ACADL: variants seen among roughly 807,000 people sequenced by gnomAD.
ACADL encodes the protein long-chain specific acyl-CoA dehydrogenase, mitochondrial.
A neutral mutation model predicts 56.9 loss-of-function variants in ACADL; 60 were observed. That is an observed-to-expected ratio of 1.05 (90% confidence interval 0.86 to 1.31). ACADL has a LOEUF of 1.31. ACADL is among the 50% of genes most tolerant of loss of function. The pLI, the probability that ACADL is intolerant of heterozygous loss-of-function variation, is 0.00. For synonymous variants in ACADL, 158 were observed against 179.7 expected, an observed-to-expected ratio of 0.88 and a Z score of 0.97; for missense variants, 484 against 525.5, an observed-to-expected ratio of 0.92 and a Z score of 0.77.
intron 4 of ACADL, among the ~76,000 whole-genome samples, chr2:210,211,723 C>G (rs1421776985): frequency 6.6e-6 from 1 of 152,168 alleles, no homozygotes; most frequent in African/African-American, 2.4e-5. Context: ...AACTGTGAAC[C>G]ACTTAAACCT....
chr2:210,211,324 T>C (rs1688975127), intron 4 of ACADL, among the ~76,000 whole-genome samples: 1 of 152,202 alleles, frequency 6.6e-6, no homozygotes, highest in African/African-American at 2.4e-5. Flanking sequence ...AGGTCCCAAT[T>C]TTTATTAATA....
Position 210,216,468 on chromosome 2 carries a change from C to T in ACADL, c.415G>A (p.Gly139Ser). ...TTTGTAATATAGGACATGACAATAC[C>T]TGAATGAATACTAAAACCTGGGCCT... is the stretch of plus-strand genomic sequence containing the variant. ...CSGPGFSIHS[G>S]IVMSYITNHG... The change falls in exon 4 of 11, where the codon GGT (glycine) becomes AGT (serine). Residue 139 changes from glycine (G) to serine (S), a missense_variant. Transcript: ENST00000233710. The T allele has an allele frequency of 6.2e-7, 1 of 1,613,570 alleles. No homozygotes were observed. Among genetic ancestry groups the T allele is most frequent in the Non-Finnish European group, 8.5e-7 (1 of 1,179,682 alleles).
At chr2:210,195,161 C>G in intron 9 of ACADL, 50 bp downstream of exon 9, 1 of 1,612,450 alleles carries the variant, frequency 6.2e-7, no homozygotes, top group Non-Finnish European at 8.5e-7. Context: ...TGGCAGAATT[C>G]CATATCAGTC....
chr2:210,208,871 G>C (rs779860448), intron 5 of ACADL, among the ~76,000 whole-genome samples: 9 of 151,976 alleles, frequency 5.9e-5, no homozygotes, highest in Non-Finnish European at 1.2e-4. Context: ...TCAGTTTTTT[G>C]CTATTTCTAA....
rs534327631 is a variant in ACADL at position 210,197,856 on chromosome 2, G to C, written c.985-2518C>G. 2.6e-5 allele frequency among the ~76,000 whole-genome samples: 4 copies of C among 152,310 alleles called. No individual in the cohort carries two copies. The South Asian group carries it at 6.2e-4, about 24-fold the overall frequency. ...TTCTTGCATCAGTGCATTCAGTGAA[G>C]TCCAGAGGTCTGAGAGAATAATGTC... is the stretch of plus-strand genomic sequence containing the variant. On this transcript the variant is annotated intron_variant, in intron 8 of 10. Transcript: ENST00000233710.
At chr2:210,221,168 A>G (rs1334446083) in intron 1 of ACADL, among the ~76,000 whole-genome samples, 1 of 152,168 alleles carries the variant, frequency 6.6e-6, no homozygotes, top group Non-Finnish European at 1.5e-5. Context: ...ATACTGATAA[A>G]TTTTCATATC....
chr2:210,210,324 T>C, intron 4 of ACADL, 62 bp from the exon 5 acceptor site: 1 of 1,201,798 alleles, frequency 8.3e-7, no homozygotes, highest in Admixed American at 1.7e-5. Flanking sequence ...ATACAAATGA[T>C]ATAAGTATGT....
chr2:210,204,477 G>T (rs906541059), intron 7 of ACADL, 104 bp downstream of exon 7: 5 of 861,244 alleles, frequency 5.8e-6, no homozygotes, highest in Non-Finnish European at 9.5e-6. Flanking sequence ...CACAAGTTTT[G>T]CATGTATAAA....
chr2:210,205,721 C>G lies in ACADL; in HGVS notation c.679G>C (p.Ala227Pro). 3 of 1,613,986 alleles carry G rather than the reference C, an allele frequency of 1.9e-6. No individual in the cohort carries two copies. The highest frequency in any genetic ancestry group is 2.5e-6 in the Non-Finnish European group (3 of 1,179,962). ...ACCAGAAAAAGGCTAATACCATGGG[C>G]AGGGGAGGGAGCTTCATGATTTGTG... ...AVTNHEAPSP[A>P]HGISLFLVEN... Residue 227 changes from alanine (A) to proline (P), a missense_variant, in exon 6 of 11, where the codon GCC becomes CCC. By Grantham distance (27) the Ala-to-Pro change is conservative. Transcript: ENST00000233710.
At chr2:210,192,088 A>C (rs1035618562) in intron 10 of ACADL, among the ~76,000 whole-genome samples, 2 of 152,142 alleles carry the variant, frequency 1.3e-5, no homozygotes, top group Non-Finnish European at 1.5e-5. Context: ...ATTTTTTTAG[A>C]ACAAAACAAA....
In ACADL at chr2:210,213,648, G is replaced by A. The variant is rs149944131; in HGVS notation, c.536+2699C>T. 1.0e-3 allele frequency among the ~76,000 whole-genome samples: 152 copies of A among 152,220 alleles called. No homozygotes were observed. The Middle Eastern group carries it at 0.01, about 10-fold the overall frequency. On this transcript the variant is annotated intron_variant, in intron 4 of 10. Coordinates refer to ENST00000233710, the MANE Select transcript of ACADL (RefSeq NM_001608.4). ...ACTACTTAGTAAAGCCAACAAGTTA[G>A]ACCCTCACAATAATCTTCTTCAGTA...
rs1688932526 is a variant in ACADL at position 210,208,750 on chromosome 2, TG to T, written c.603+1445del. Among the ~76,000 whole-genome samples, 5 of 152,354 alleles carry T rather than the reference TG, an allele frequency of 3.3e-5. No individual in the cohort carries two copies. In the South Asian group the frequency reaches 1.0e-3, roughly 32 times the overall value. ...TTCTATATCCTGTTTTTTCACTTAA[TG>T]TATAATTATTTCCTGTACTGTTAAA... On this transcript the variant is annotated intron_variant, in intron 5 of 10. Coordinates refer to ENST00000233710, the MANE Select transcript of ACADL (RefSeq NM_001608.4).
At chr2:210,193,421 C>A (rs1688666581) in intron 9 of ACADL, among the ~76,000 whole-genome samples, 3 of 151,958 alleles carry the variant, frequency 2.0e-5, no homozygotes, top group African/African-American at 4.8e-5. Context: ...GGCAGACTAA[C>A]AAAGTATATG....
chr2:210,196,987 A>C (rs1688719677), intron 8 of ACADL, among the ~76,000 whole-genome samples: 2 of 152,178 alleles, frequency 1.3e-5, no homozygotes, highest in South Asian at 4.1e-4. Context: ...TCAAGTTATA[A>C]AACTGATTCT....
intron 4 of ACADL, among the ~76,000 whole-genome samples, chr2:210,213,521 A>G (rs545928911): frequency 1.3e-5 from 2 of 152,284 alleles, no homozygotes; most frequent in Admixed American, 6.5e-5. Flanking sequence ...TCTTCTATAC[A>G]GGGACATATC....
At chr2:210,208,575 A>G (rs1224919372) in intron 5 of ACADL, among the ~76,000 whole-genome samples, 1 of 152,210 alleles carries the variant, frequency 6.6e-6, no homozygotes, top group Non-Finnish European at 1.5e-5. Flanking sequence ...AAAATAACAG[A>G]AAATCATTGC....
In ACADL at chr2:210,205,668, C is replaced by G. The variant is rs1210360797; in HGVS notation, c.732G>C (p.Lys244Asn). Reference protein sequence around the residue: ...LVENGMKGFIKGRKLHKMGLK... With the variant: ...LVENGMKGFINGRKLHKMGLK... ...ATCCCATTTTATGTAGCTTTCGTCC[C>G]TTGATAAATCCTTTCATTCCATTTT... The change falls in exon 6 of 11, where the codon AAG (lysine) becomes AAC (asparagine). Residue 244 changes from lysine to asparagine, a missense_variant. Lys to Asn is a moderately conservative substitution (Grantham distance 94, BLOSUM62 0). Transcript: ENST00000233710. 6.2e-7 allele frequency: 1 copy of G among 1,613,904 alleles called. No homozygotes were observed. Among genetic ancestry groups the G allele is most frequent in the East Asian group, 2.2e-5 (1 of 44,846 alleles).
chr2:210,199,162 G>A (rs753739536), intron 8 of ACADL, among the ~76,000 whole-genome samples: 3 of 152,060 alleles, frequency 2.0e-5, no homozygotes, highest in Non-Finnish European at 4.4e-5. Context: ...TGAATACAAG[G>A]TATAGGTATG....
intron 8 of ACADL, among the ~76,000 whole-genome samples, 160 bp downstream of exon 8, chr2:210,203,171 C>A (rs532270919): frequency 2.6e-4 from 39 of 152,304 alleles, no homozygotes; most frequent in African/African-American, 9.1e-4. Flanking sequence ...TAAGACCACT[C>A]CTGTCTTACT....
Sources: allele counts gnomAD v4.1 joint callset (sites outside exome capture counted in the v4.1 genomes callset), GRCh38; gene constraint gnomAD v4.1.1; transcripts MANE v1.5; gene names NCBI Gene and HGNC (gene_info 2026-07-23, HGNC 2026-07-21).